The following TNFRSF10B variants were observed in gnomAD, a reference collection of about 807,000 sequenced individuals.
The protein encoded by TNFRSF10B is tumor necrosis factor receptor superfamily member 10B.
In TNFRSF10B, 35 loss-of-function variants were observed where a neutral mutation model predicts 41.4. The ratio of observed to expected loss-of-function variants is 0.85; its 90% CI spans 0.65 to 1.12. TNFRSF10B has a LOEUF of 1.12. Ranked by LOEUF, TNFRSF10B falls within the 50% of genes most tolerant of loss-of-function variation. The probability of loss-of-function intolerance (pLI) is 0.00; values close to 1 mark genes in which losing one functional copy is unlikely to be tolerated. For synonymous variants in TNFRSF10B, 230 were observed against 215.5 expected (o/e 1.07, Z -0.59); for missense variants, 584 against 552.7 (o/e 1.06, Z -0.57).
intron 1 of TNFRSF10B, among the ~76,000 whole-genome samples, chr8:23,064,508 T>C (rs1051136693): frequency 6.6e-6 from 1 of 152,040 alleles, no homozygotes; most frequent in South Asian, 2.1e-4. Context: ...GGGGTGTCCA[T>C]GGGCATGGTT....
At position 23,030,059 on chromosome 8, in the gene TNFRSF10B, G is replaced by A. The variant is rs1346179713; in HGVS notation, c.365-338C>T. ...GAGACTGCAAGGAGAGGAGCCCTTG[G>A]GGGACTTCCCCAAGGCCCAGCCTGC... On this transcript the variant is annotated intron_variant, in intron 3 of 8. Transcript: ENST00000276431. 2.0e-5 allele frequency among the ~76,000 whole-genome samples: 3 copies of A among 152,286 alleles called. No homozygotes were observed. The East Asian group carries it at 5.8e-4, about 29-fold the overall frequency.
At chr8:23,064,414 C>G (rs998686261) in intron 1 of TNFRSF10B, among the ~76,000 whole-genome samples, 1 of 152,194 alleles carries the variant, frequency 6.6e-6, no homozygotes, top group Non-Finnish European at 1.5e-5. Context: ...GAGGCTGTGC[C>G]GTCCGTGGGC....
At chr8:23,025,219 A>G (rs1281570452) in intron 7 of TNFRSF10B, among the ~76,000 whole-genome samples, 1 of 152,174 alleles carries the variant, frequency 6.6e-6, no homozygotes, top group Admixed American at 6.5e-5. Context: ...GAAGACCCAA[A>G]ATGCAAAGAA....
intron 2 of TNFRSF10B, among the ~76,000 whole-genome samples, chr8:23,038,635 A>G (rs187045137): frequency 3.3e-5 from 5 of 152,362 alleles, no homozygotes; most frequent in Admixed American, 2.6e-4. Context: ...AGGAGTAAAC[A>G]CCACTCAAGA....
At chr8:23,044,963 C>T (rs977441323) in intron 1 of TNFRSF10B, among the ~76,000 whole-genome samples, 1 of 151,136 alleles carries the variant, frequency 6.6e-6, no homozygotes, top group Admixed American at 6.6e-5. Context: ...TGCCTATAAT[C>T]CCAGCATTTT....
intron 1 of TNFRSF10B, chr8:23,049,829 C>G (rs1178930568): frequency 2.0e-5 from 3 of 152,140 alleles, no homozygotes; most frequent in Non-Finnish European, 4.4e-5. Flanking sequence ...TATTGGGCAG[C>G]GAGATTCACC....
chr8:23,042,488 G>T (rs898377175), intron 2 of TNFRSF10B, among the ~76,000 whole-genome samples: 1 of 152,100 alleles, frequency 6.6e-6, no homozygotes, highest in Non-Finnish European at 1.5e-5. Context: ...ATCTCTGGGG[G>T]CTCAAATGAC....
chr8:23,059,430 C>T (rs1030362303), intron 1 of TNFRSF10B, among the ~76,000 whole-genome samples: 3 of 152,234 alleles, frequency 2.0e-5, no homozygotes, highest in Non-Finnish European at 4.4e-5. Context: ...ATAGTGGCTG[C>T]ACCATTTTAC....
intron 2 of TNFRSF10B, among the ~76,000 whole-genome samples, chr8:23,035,513 T>C (rs1008586084): frequency 6.6e-6 from 1 of 152,196 alleles, no homozygotes; most frequent in Non-Finnish European, 1.5e-5. Flanking sequence ...GATGACATTA[T>C]ACTGATTGAA....
chr8:23,046,191 T>C (rs554484621), intron 1 of TNFRSF10B, among the ~76,000 whole-genome samples: 1 of 152,228 alleles, frequency 6.6e-6, no homozygotes, highest in Non-Finnish European at 1.5e-5. Flanking sequence ...TAGAAAACCC[T>C]GAAGACTCCA....
Position 23,022,803 on chromosome 8 carries a change from G to C in TNFRSF10B, c.1191C>G (p.Ala397=). Residue 397 remains alanine (A), a synonymous_variant, in exon 9 of 9, where the codon GCC becomes GCG. Coordinates refer to ENST00000276431, the MANE Select transcript of TNFRSF10B (RefSeq NM_003842.5). The stretch of plus-strand genomic sequence containing the variant: ...AGGCATCCAGCAGGGTGTGGACAGA[G>C]GCATCTCGCCCGGTTTTGTTGACCC... ...IKWVNKTGRD[A]SVHTLLDALE... The C allele has an allele frequency of 6.2e-7, 1 of 1,613,968 alleles. No homozygotes were observed. Among genetic ancestry groups the C allele is most frequent in the Non-Finnish European group, 8.5e-7 (1 of 1,179,920 alleles).
At chr8:23,024,097 T>C in intron 8 of TNFRSF10B, 91 bp downstream of exon 8, 1 of 1,535,382 alleles carries the variant, frequency 6.5e-7, no homozygotes, top group Non-Finnish European at 9.0e-7. Context: ...TGGAATACTC[T>C]GGAAGAGCCC....
At chr8:23,047,669 T>G (rs1294886507) in intron 1 of TNFRSF10B, among the ~76,000 whole-genome samples, 3 of 151,928 alleles carry the variant, frequency 2.0e-5, no homozygotes, top group African/African-American at 7.3e-5. Flanking sequence ...ATCTCATACC[T>G]ATCAGAATGG....
Position 23,021,431 on chromosome 8 carries a change from A to G in TNFRSF10B, c.*1240T>C, listed in dbSNP as rs559438850. On this transcript the variant is annotated 3_prime_UTR_variant, in exon 9 of 9. Coordinates refer to ENST00000276431, the MANE Select transcript of TNFRSF10B (RefSeq NM_003842.5). ...TGGCAACCATTTCACACCATTCTCA[A>G]GCACCATCTACTCTTCCCCCTTGAT... 37 of 454,024 alleles carry G rather than the reference A, an allele frequency of 8.1e-5. No individual in the cohort carries two copies. The highest frequency in any genetic ancestry group is 1.6e-4 in the Non-Finnish European group (36 of 226,800). 28.1% of individuals were successfully genotyped at this position (454,024 alleles called of 1,614,324 possible).
rs1342908811 is a variant in TNFRSF10B at position 23,021,508 on chromosome 8, C to G, written c.*1163G>C. The G allele has an allele frequency of 2.2e-6, 1 of 454,036 alleles. No homozygotes were observed. Among genetic ancestry groups the G allele is most frequent in the African/African-American group, 2.0e-5 (1 of 50,012 alleles). The allele number at this position is 454,036 out of a possible 1,614,324, so 28.1% of individuals were successfully genotyped here. On this transcript the variant is annotated 3_prime_UTR_variant, in exon 9 of 9. Transcript: ENST00000276431. ...TTGTCTTCTATCTCCTGAGCCCAAA[C>G]AGGGCTCAAGTTCACTTGGGATATG...
intron 2 of TNFRSF10B, among the ~76,000 whole-genome samples, chr8:23,039,763 G>T (rs1477625252): frequency 6.6e-6 from 1 of 152,178 alleles, no homozygotes; most frequent in African/African-American, 2.4e-5. Flanking sequence ...ATCTATGACA[G>T]CAACAATAGA....
Position 23,024,175 on chromosome 8 carries a change from G to A in TNFRSF10B, c.1009+13C>T, listed in dbSNP as rs368804570. 28 of 1,613,958 alleles carry A rather than the reference G, an allele frequency of 1.7e-5. No individual in the cohort carries two copies. The highest frequency in any genetic ancestry group is 2.4e-5 in the Non-Finnish European group (28 of 1,179,980). ...CTCCATTCCTGCTGCATCTCCAGGA[G>A]CAAAACACTTACTCTCAGTGGGATC... On this transcript the variant is annotated intron_variant, in intron 8 of 8. Coordinates refer to ENST00000276431, the MANE Select transcript of TNFRSF10B (RefSeq NM_003842.5).
intron 6 of TNFRSF10B, 157 bp from the exon 7 acceptor site, chr8:23,027,445 C>T: frequency 1.1e-6 from 1 of 947,554 alleles, no homozygotes; most frequent in Non-Finnish European, 1.6e-6. Flanking sequence ...GGACCCGCTG[C>T]TGGGGCCAGG....
At chr8:23,050,793 G>C (rs976916070) in intron 1 of TNFRSF10B, among the ~76,000 whole-genome samples, 3 of 152,232 alleles carry the variant, frequency 2.0e-5, no homozygotes, top group Non-Finnish European at 2.9e-5. Context: ...TCCAGTTAAG[G>C]CCGGGCGTGG....
Sources: gnomAD v4.1 joint callset for allele counts (sites outside exome capture counted in the v4.1 genomes callset) on GRCh38, gnomAD v4.1.1 for gene constraint, MANE v1.5 for transcripts, NCBI Gene and HGNC (gene_info 2026-07-23, HGNC 2026-07-21) for gene names.